Variants in ENTREP2 observed in about 807,000 individuals in gnomAD.
ENTREP2 encodes endosomal transmembrane epsin interactor 2, also known as protein ENTREP2.
the ENTREP2 span, among the ~76,000 whole-genome samples, chr15:29,398,827 G>C: frequency 1.1e-3 from 161 of 152,340 alleles, no homozygotes; most frequent in African/African-American, 3.6e-3. Context: ...TACCTGCCCT[G>C]TGTAATCCTC....
chr15:29,397,527 G>A, the ENTREP2 span, among the ~76,000 whole-genome samples: 19 of 152,132 alleles, frequency 1.2e-4, no homozygotes, highest in African/African-American at 4.3e-4. Flanking sequence ...TCACTTACAG[G>A]GCTGTAGAGA....
At chr15:29,438,625 C>T in the ENTREP2 span, among the ~76,000 whole-genome samples, 2 of 152,064 alleles carry the variant, frequency 1.3e-5, no homozygotes, top group Non-Finnish European at 2.9e-5. Flanking sequence ...ACCTGAATCC[C>T]CAGCTATCCT....
At chr15:29,207,565 A>T in the ENTREP2 span, among the ~76,000 whole-genome samples, 1 of 152,066 alleles carries the variant, frequency 6.6e-6, no homozygotes, top group Non-Finnish European at 1.5e-5. Flanking sequence ...TACTTTTAGA[A>T]TCCTGCTGAT....
chr15:29,346,962 T>C, the ENTREP2 span, among the ~76,000 whole-genome samples: 5 of 152,216 alleles, frequency 3.3e-5, no homozygotes, highest in Non-Finnish European at 5.9e-5. Context: ...AGGCCAAGAG[T>C]TAAAACTATA....
chr15:29,553,875 CAT>C, the ENTREP2 span, among the ~76,000 whole-genome samples: 18 of 152,334 alleles, frequency 1.2e-4, no homozygotes, highest in East Asian at 2.1e-3. Flanking sequence ...AACACAATCA[CAT>C]GAGACCTCAA....
At chr15:29,464,366 C>G in the ENTREP2 span, among the ~76,000 whole-genome samples, 2 of 152,138 alleles carry the variant, frequency 1.3e-5, no homozygotes, top group African/African-American at 4.8e-5. Context: ...ACTTTCATTA[C>G]CAGCTTCTCA....
chr15:29,474,592 TCA>T, the ENTREP2 span, among the ~76,000 whole-genome samples: 1 of 151,986 alleles, frequency 6.6e-6, no homozygotes. Flanking sequence ...TCTCACTCCG[TCA>T]CCCAGGCTGG....
the ENTREP2 span, among the ~76,000 whole-genome samples, chr15:29,120,102 G>A: frequency 2.0e-5 from 3 of 152,112 alleles, no homozygotes; most frequent in Admixed American, 2.0e-4. Context: ...GACCCTCTCC[G>A]GAAGGCTTCT....
the ENTREP2 span, among the ~76,000 whole-genome samples, chr15:29,594,904 A>C: frequency 6.6e-6 from 1 of 151,802 alleles, no homozygotes; most frequent in Admixed American, 6.6e-5. Flanking sequence ...GTCTCTACTA[A>C]AAATACAAAA....
At chr15:29,343,424 C>T in the ENTREP2 span, among the ~76,000 whole-genome samples, 1 of 152,130 alleles carries the variant, frequency 6.6e-6, no homozygotes, top group Non-Finnish European at 1.5e-5. Context: ...ACATAGAAAG[C>T]CCAGCTGAGT....
At chr15:29,374,493 C>T in the ENTREP2 span, 1 of 152,118 alleles carries the variant, frequency 6.6e-6, no homozygotes, top group Non-Finnish European at 1.5e-5. Context: ...GTTCCATCCG[C>T]CCTCCTTTAC....
chr15:29,456,429 C>T, the ENTREP2 span, among the ~76,000 whole-genome samples: 365 of 152,298 alleles, frequency 2.4e-3, no homozygotes, highest in Admixed American at 4.5e-3. Flanking sequence ...CAGACACAGT[C>T]ACAGTCACCA....
chr15:29,268,919 C>T, the ENTREP2 span: 2 of 1,614,180 alleles, frequency 1.2e-6, no homozygotes, highest in Non-Finnish European at 1.7e-6. Context: ...AACTTAAGAA[C>T]TTTCATCTTG....
At chr15:29,140,349 G>A in the ENTREP2 span, among the ~76,000 whole-genome samples, 1 of 152,176 alleles carries the variant, frequency 6.6e-6, no homozygotes, top group African/African-American at 2.4e-5. Context: ...CTCAGCCCCT[G>A]TCCACCTCCT....
At chr15:29,222,547 A>T in the ENTREP2 span, among the ~76,000 whole-genome samples, 1 of 152,154 alleles carries the variant, frequency 6.6e-6, no homozygotes, top group Non-Finnish European at 1.5e-5. Context: ...TCACCCTCCA[A>T]GAAGAGAGGC....
chr15:29,356,022 C>A, the ENTREP2 span, among the ~76,000 whole-genome samples: 2 of 151,860 alleles, frequency 1.3e-5, no homozygotes, highest in African/African-American at 4.8e-5. Flanking sequence ...GTATCACTTA[C>A]CTACGAGGCA....
At chr15:29,593,561 C>T in the ENTREP2 span, among the ~76,000 whole-genome samples, 1 of 152,210 alleles carries the variant, frequency 6.6e-6, no homozygotes, top group South Asian at 2.1e-4. Context: ...ACAAACAGCC[C>T]ATGCCCTGTC....
At chr15:29,653,621 G>T in the ENTREP2 span, among the ~76,000 whole-genome samples, 2 of 152,158 alleles carry the variant, frequency 1.3e-5, no homozygotes, top group Non-Finnish European at 2.9e-5. Context: ...TGTGAAGAAG[G>T]TGCCTTGCTT....
At chr15:29,325,478 A>G in the ENTREP2 span, among the ~76,000 whole-genome samples, 2 of 152,306 alleles carry the variant, frequency 1.3e-5, no homozygotes, top group South Asian at 4.1e-4. Flanking sequence ...AAGGAACTCT[A>G]TACCTCTAAA....
Sources: gnomAD v4.1 joint callset for allele counts (sites outside exome capture counted in the v4.1 genomes callset) on GRCh38, gnomAD v4.1.1 for gene constraint, MANE v1.5 for transcripts, NCBI Gene and HGNC (gene_info 2026-07-23, HGNC 2026-07-21) for gene names.